SLC44A5: variants seen among roughly 807,000 people sequenced by gnomAD.
SLC44A5 encodes the protein solute carrier family 44 member 5, also known as choline transporter-like protein 5.
In SLC44A5, 57 loss-of-function variants were observed where a neutral mutation model predicts 101.8. That is an observed-to-expected ratio of 0.56 (90% CI 0.45 to 0.70). The LOEUF (loss-of-function observed/expected upper bound fraction) is 0.70, where lower values mean the gene tolerates loss of function less well. Ranked by LOEUF, SLC44A5 falls within the 30% of genes least tolerant of loss-of-function variation. SLC44A5 has a pLI of 0.00. For missense variants in SLC44A5, 737 were observed against 853.1 expected, an observed-to-expected ratio of 0.86 and a Z score of 1.70; for synonymous variants, 281 against 290.9, an observed-to-expected ratio of 0.97 and a Z score of 0.35.
chr1:75,359,511 G>A (rs1300433097), intron 3 of SLC44A5, among the ~76,000 whole-genome samples: 1 of 151,894 alleles, frequency 6.6e-6, no homozygotes, highest in Admixed American at 6.6e-5. Context: ...AAAGTGCTGG[G>A]ATTACAGGCC....
At chr1:75,346,372 A>G (rs1658257695) in intron 3 of SLC44A5, among the ~76,000 whole-genome samples, 1 of 152,196 alleles carries the variant, frequency 6.6e-6, no homozygotes, top group South Asian at 2.1e-4. Context: ...CTATATGAAC[A>G]CAAATCATAA....
At chr1:75,251,360 G>T in intron 6 of SLC44A5, 66 bp from the exon 7 acceptor site, 1 of 1,310,798 alleles carries the variant, frequency 7.6e-7, no homozygotes, top group South Asian at 1.3e-5. Context: ...TTCAGACCCT[G>T]AACACTTTTT....
chr1:75,432,129 C>T (rs920576281), intron 2 of SLC44A5, among the ~76,000 whole-genome samples: 4 of 152,144 alleles, frequency 2.6e-5, no homozygotes, highest in Non-Finnish European at 4.4e-5. Context: ...CAACTTTGAT[C>T]TCTCCTCAAT....
chr1:75,452,610 T>C (rs1476362999), intron 2 of SLC44A5, among the ~76,000 whole-genome samples: 2 of 152,154 alleles, frequency 1.3e-5, no homozygotes, highest in Non-Finnish European at 2.9e-5. Context: ...AGTGGCAAGT[T>C]GAATAAGTAA....
chr1:75,612,303 C>T (rs1200969354), upstream of SLC44A5, among the ~76,000 whole-genome samples: 1 of 152,048 alleles, frequency 6.6e-6, no homozygotes, highest in African/African-American at 2.4e-5. Flanking sequence ...CTTCTCATTG[C>T]ACTTAAACTC....
the SLC44A5 span, among the ~76,000 whole-genome samples, chr1:75,688,526 T>G: frequency 6.6e-6 from 1 of 152,162 alleles, no homozygotes; most frequent in African/African-American, 2.4e-5. Flanking sequence ...TTCCCAAGTT[T>G]TACTTGATAA....
the SLC44A5 span, among the ~76,000 whole-genome samples, chr1:75,640,605 G>A: frequency 2.0e-5 from 3 of 151,954 alleles, no homozygotes; most frequent in Non-Finnish European, 4.4e-5. Flanking sequence ...CTCTCTCTGG[G>A]GGAAATTTTG....
the SLC44A5 span, among the ~76,000 whole-genome samples, chr1:75,718,554 C>G: frequency 6.6e-6 from 1 of 152,190 alleles, no homozygotes. Context: ...GAGAAACACT[C>G]TAACGGGGAT....
chr1:75,202,442 T>C lies in SLC44A5; in HGVS notation c.*1285A>G, dbSNP rs1429869316. On this transcript the variant is annotated 3_prime_UTR_variant, in exon 24 of 24. Coordinates refer to ENST00000370859, the MANE Select transcript of SLC44A5 (RefSeq NM_001130058.2). ...TTATATGATTGACATTCTCTTAGGG[T>C]GAATACTTTTCTGGACTCTTTCTGT... 2 of 152,316 alleles carry C rather than the reference T, an allele frequency of 1.3e-5. No homozygotes were observed. Among genetic ancestry groups the C allele is most frequent in the East Asian group, 3.9e-4 (2 of 5,184 alleles). The allele number at this position is 152,316 out of a possible 1,614,324, so 9.4% of individuals were successfully genotyped here. A position where few individuals can be genotyped will look rare whatever the true frequency, so the allele number is the denominator to read the frequency against.
chr1:75,388,309 A>C (rs960817511), intron 3 of SLC44A5, among the ~76,000 whole-genome samples: 4 of 152,046 alleles, frequency 2.6e-5, no homozygotes, highest in African/African-American at 9.7e-5. Flanking sequence ...GAGACACTTA[A>C]AGGAGTTCTA....
At chr1:75,211,442 G>A (rs1379589816) in intron 23 of SLC44A5, 26 bp downstream of exon 23, 1 of 1,576,624 alleles carries the variant, frequency 6.3e-7, no homozygotes, top group Non-Finnish European at 8.7e-7. Context: ...CACCGAAGGG[G>A]GAAAACACAC....
chr1:75,289,429 G>C (rs1341635822), intron 5 of SLC44A5, among the ~76,000 whole-genome samples: 1 of 152,144 alleles, frequency 6.6e-6, no homozygotes, highest in East Asian at 1.9e-4. Flanking sequence ...AATGACATGA[G>C]CTTCCCATCA....
At chr1:75,374,489 T>C (rs1020805984) in intron 3 of SLC44A5, among the ~76,000 whole-genome samples, 2 of 152,160 alleles carry the variant, frequency 1.3e-5, no homozygotes, top group African/African-American at 4.8e-5. Context: ...AATGCAGGCG[T>C]GATGCCAGTA....
At chr1:75,659,948 G>T in the SLC44A5 span, among the ~76,000 whole-genome samples, 1 of 152,110 alleles carries the variant, frequency 6.6e-6, no homozygotes, top group East Asian at 1.9e-4. Flanking sequence ...CAGATTAATA[G>T]AATCAAAGCA....
At chr1:75,448,489 G>A (rs982879473) in intron 2 of SLC44A5, among the ~76,000 whole-genome samples, 4 of 152,202 alleles carry the variant, frequency 2.6e-5, no homozygotes, top group African/African-American at 9.6e-5. Flanking sequence ...TCAGAGTGAC[G>A]TAGGTGGCAC....
intron 3 of SLC44A5, among the ~76,000 whole-genome samples, chr1:75,372,151 C>T (rs1156355794): frequency 7.3e-6 from 1 of 137,146 alleles, no homozygotes; most frequent in Non-Finnish European, 1.5e-5. Flanking sequence ...GAGCCAAGAT[C>T]ATGCCACAGC....
At chr1:75,651,614 G>A in the SLC44A5 span, among the ~76,000 whole-genome samples, 20 of 149,188 alleles carry the variant, frequency 1.3e-4, no homozygotes, top group Non-Finnish European at 2.2e-4. Flanking sequence ...GGAGAATGGC[G>A]TGAACCCGGG....
chr1:75,235,404 G>A (rs1647986431), intron 11 of SLC44A5, among the ~76,000 whole-genome samples: 1 of 151,880 alleles, frequency 6.6e-6, no homozygotes, highest in Non-Finnish European at 1.5e-5. Context: ...TTGGGGGTGA[G>A]GTAGGCAGGA....
the SLC44A5 span, among the ~76,000 whole-genome samples, chr1:75,689,925 T>C: frequency 6.6e-6 from 1 of 152,146 alleles, no homozygotes. Context: ...TTTCAACCAA[T>C]CCCTGCCTCA....
Sources: gnomAD v4.1 joint callset for allele counts (sites outside exome capture counted in the v4.1 genomes callset) on GRCh38, gnomAD v4.1.1 for gene constraint, MANE v1.5 for transcripts, NCBI Gene and HGNC (gene_info 2026-07-23, HGNC 2026-07-21) for gene names.